The following ABCB9 variants were observed in gnomAD, a reference collection of about 807,000 sequenced individuals.
ABCB9 encodes the protein ABC-type oligopeptide transporter ABCB9.
A neutral mutation model predicts 62.0 loss-of-function variants in ABCB9; 36 were observed. That is an observed-to-expected ratio of 0.58 (90% CI 0.45 to 0.77). The LOEUF (loss-of-function observed/expected upper bound fraction) is 0.77, where lower values mean the gene tolerates loss of function less well. ABCB9 is among the 30% of genes least tolerant of loss of function. The pLI is 0.00. For synonymous variants in ABCB9, 435 were observed against 461.4 expected (o/e 0.94, Z 0.73); for missense variants, 943 against 1,054.7 (o/e 0.89, Z 1.47).
chr12:122,944,639 T>C lies in ABCB9; in HGVS notation c.1252-120A>G. 1.4e-6 allele frequency: 2 copies of C among 1,409,016 alleles called. No individual in the cohort carries two copies. The highest frequency in any genetic ancestry group is 1.3e-5 in the South Asian group (1 of 74,966). 87.3% of individuals were successfully genotyped at this position (1,409,016 alleles called of 1,614,324 possible). A position where few individuals can be genotyped will look rare whatever the true frequency, so the allele number is the denominator to read the frequency against. On this transcript the variant is annotated intron_variant, in intron 6 of 11. Transcript: ENST00000280560. This position sits in a 1 kb window ranked among gnomAD's most constrained non-coding sequence, Gnocchi z 4.9. ...GGGCAGACCCAGCCACAAACTGAAA[T>C]GCCGGCCGTTGGCAGGGGTGTCTTC...
upstream of ABCB9, among the ~76,000 whole-genome samples, chr12:122,970,267 AG>A (rs1354375355): frequency 6.6e-6 from 1 of 151,564 alleles, no homozygotes; most frequent in Non-Finnish European, 1.5e-5. Context: ...TATTTATTTG[AG>A]ATGAACTCTT....
rs1441871397 is a variant in ABCB9, at chr12:122,940,954, C to T, written c.1422G>A (p.Gly474=). 1 of 1,612,410 alleles carries T rather than the reference C, an allele frequency of 6.2e-7. No homozygotes were observed. The highest frequency in any genetic ancestry group is 1.3e-5 in the African/African-American group (1 of 75,022). The change falls in exon 8 of 12, where the codon GGG becomes GGA. Residue 474 remains glycine (G), a synonymous_variant. Transcript: ENST00000280560. This position sits in a 1 kb window ranked among gnomAD's most constrained non-coding sequence, Gnocchi z 4.8. ...TGAACTCGAACACCTTCTCAGCAGC[C>T]CCCACTCCCTGCATCAGGCCACTGT... ...SVYSGLMQGV[G]AAEKVFEFID... is the part of the protein sequence containing the mutation.
At chr12:122,967,480 A>G (rs943185300), upstream of ABCB9, among the ~76,000 whole-genome samples, 2 of 152,168 alleles carry the variant, frequency 1.3e-5, no homozygotes, top group African/African-American at 4.8e-5. Context: ...AACTGCCCAC[A>G]TCCCTGGATC....
rs755096423 is a variant in ABCB9, at chr12:122,931,134, C to T, written c.2041-963G>A. 8.3e-4 allele frequency among the ~76,000 whole-genome samples: 126 copies of T among 152,126 alleles called. 1 individual carries two copies. The highest frequency in any genetic ancestry group is 2.8e-3 in the African/African-American group (117 of 41,496). Reference sequence around the variant, plus strand: ...CTGCTTCCCAGGTTCATGCTATTCTCCTGCCTCAGCCTCCCAAGTAGCTAG... The same window carrying T: ...CTGCTTCCCAGGTTCATGCTATTCTTCTGCCTCAGCCTCCCAAGTAGCTAG... On this transcript the variant is annotated intron_variant, in intron 11 of 11. Coordinates refer to ENST00000280560, the MANE Select transcript of ABCB9 (RefSeq NM_019625.4).
In ABCB9 at chr12:122,959,833, A is replaced by G. The variant is rs2036798575; in HGVS notation, c.403T>C (p.Trp135Arg). 3.7e-6 allele frequency: 6 copies of G among 1,613,162 alleles called. No individual in the cohort carries two copies. In the East Asian group the frequency reaches 1.3e-4, roughly 36 times the overall value. Residue 135 changes from tryptophan (W) to arginine (R), a missense_variant, in exon 2 of 12, where the codon TGG (tryptophan) becomes CGG (arginine). Transcript: ENST00000280560. The surrounding 1 kb of genome is among the most constrained non-coding windows in gnomAD (Gnocchi z 5.4). Reference sequence around the variant, plus strand: ...CCTGGCCGCACGGTGGACAGCAGCCACCAGAGCAGGAAGGATGCGCCGAGT... The same window carrying G: ...CCTGGCCGCACGGTGGACAGCAGCCGCCAGAGCAGGAAGGATGCGCCGAGT... ...ISLGASFLLW[W>R]LLSTVRPGTQ... is the part of the protein sequence containing the mutation.
chr12:122,937,287 A>G (rs2035506261), intron 9 of ABCB9, among the ~76,000 whole-genome samples: 1 of 151,876 alleles, frequency 6.6e-6, no homozygotes, highest in African/African-American at 2.4e-5. Context: ...TGAACCCAGG[A>G]GGAAGAAGTT....
In ABCB9 at chr12:122,930,058, T is replaced by C; in HGVS notation, c.2154A>G (p.Val718=). Residue 718 remains valine (V), a synonymous_variant, in exon 12 of 12, where the codon GTA becomes GTG. Coordinates refer to ENST00000280560, the MANE Select transcript of ABCB9 (RefSeq NM_019625.4). The surrounding 1 kb of genome is among the most constrained non-coding windows in gnomAD (Gnocchi z 4.9). ...HLIVVLDKGR[V]VQQGTHQQLL... is the part of the protein sequence containing the mutation. ...GCTGCTGGTGGGTGCCCTGCTGCAC[T>C]ACGCGGCCCTTGTCCAGCACCACAA... 6.4e-7 allele frequency: 1 copy of C among 1,568,980 alleles called. No homozygotes were observed. Among genetic ancestry groups the C allele is most frequent in the Non-Finnish European group, 8.6e-7 (1 of 1,157,440 alleles).
chr12:122,946,260 A>G (rs373609476), intron 5 of ABCB9, 38 bp from the exon 6 acceptor site: 40 of 1,610,236 alleles, frequency 2.5e-5, no homozygotes, highest in Non-Finnish European at 3.1e-5. Context: ...GAAGACCCCA[A>G]AACAGCCTCA....
In ABCB9 at chr12:122,930,058, T is replaced by G. The variant is rs897039608; in HGVS notation, c.2154A>C (p.Val718=). 3.8e-6 allele frequency: 6 copies of G among 1,568,862 alleles called. No individual in the cohort carries two copies. The highest frequency in any genetic ancestry group is 5.2e-6 in the Non-Finnish European group (6 of 1,157,448). ...HLIVVLDKGR[V]VQQGTHQQLL... ...GCTGCTGGTGGGTGCCCTGCTGCAC[T>G]ACGCGGCCCTTGTCCAGCACCACAA... The change falls in exon 12 of 12, where the codon GTA becomes GTC. Residue 718 remains valine, a synonymous_variant. Transcript: ENST00000280560. The surrounding 1 kb of genome is among the most constrained non-coding windows in gnomAD (Gnocchi z 4.9).
intron 11 of ABCB9, chr12:122,921,147 G>C: frequency 8.6e-7 from 1 of 1,161,498 alleles, no homozygotes; most frequent in East Asian, 2.6e-5. Flanking sequence ...GGGCGTGATG[G>C]GGCACACCTG....
At chr12:122,946,300 G>T in intron 5 of ABCB9, 78 bp from the exon 6 acceptor site, 1 of 1,507,278 alleles carries the variant, frequency 6.6e-7, no homozygotes, top group Admixed American at 1.8e-5. Context: ...GGCCTCTCTG[G>T]GTTTTTCCAC....
At chr12:122,925,447 C>T (rs565692526), downstream of ABCB9, among the ~76,000 whole-genome samples, 1 of 151,162 alleles carries the variant, frequency 6.6e-6, no homozygotes, top group South Asian at 2.1e-4. Flanking sequence ...CAAACTCCCA[C>T]AAAAAAAACA....
Position 122,940,990 on chromosome 12 carries a change from C to G in ABCB9, c.1386G>C (p.Val462=), listed in dbSNP as rs2035733935. 6.2e-7 allele frequency: 1 copy of G among 1,602,132 alleles called. No homozygotes were observed. The highest frequency in any genetic ancestry group is 1.3e-5 in the African/African-American group (1 of 74,726). Residue 462 remains valine, a synonymous_variant, in exon 8 of 12, where the codon GTG becomes GTC. Transcript: ENST00000280560. The surrounding 1 kb of genome is among the most constrained non-coding windows in gnomAD (Gnocchi z 4.8). ...EFVLGDCMES[V]GSVYSGLMQG... ...GCATCAGGCCACTGTAGACGGAGCCCACGGACTGGGGAGAGGAGACACGCG... is the reference window on the plus strand; with the variant it reads ...GCATCAGGCCACTGTAGACGGAGCCGACGGACTGGGGAGAGGAGACACGCG...
intron 2 of ABCB9, among the ~76,000 whole-genome samples, chr12:122,954,392 G>A (rs959662842): frequency 6.6e-6 from 1 of 151,970 alleles, no homozygotes; most frequent in Admixed American, 6.6e-5. Flanking sequence ...ATTTTTAGTA[G>A]AGACGGGGTT....
At chr12:122,939,054 C>T (rs541960639) in intron 9 of ABCB9, among the ~76,000 whole-genome samples, 36 of 151,932 alleles carry the variant, frequency 2.4e-4, no homozygotes, top group Non-Finnish European at 4.6e-4. Context: ...CTCCTGTAAT[C>T]CCAGCTACTA....
chr12:122,940,920 G>A lies in ABCB9; in HGVS notation c.1456C>T (p.Gln486Ter), dbSNP rs1402725008. ...AEKVFEFIDR[Q>*]PTMVHDGSLA... is the part of the protein sequence containing the mutation. ...CTGCCATCGTGCACCATGGTCGGCT[G>A]CCGGTCGATGAACTCGAACACCTTC... is the stretch of plus-strand genomic sequence containing the variant. The change falls in exon 8 of 12, where the codon CAG becomes TAG. Residue 486 changes from glutamine (Q) to a stop codon, truncating the protein, a stop_gained. Coordinates refer to ENST00000280560, the MANE Select transcript of ABCB9 (RefSeq NM_019625.4). LOFTEE classifies it high-confidence loss of function. This position sits in a 1 kb window ranked among gnomAD's most constrained non-coding sequence, Gnocchi z 4.8. The A allele has an allele frequency of 2.5e-6, 4 of 1,612,390 alleles. No individual in the cohort carries two copies. Among genetic ancestry groups the A allele is most frequent in the African/African-American group, 1.3e-5 (1 of 74,878 alleles).
rs1232964444 is a variant in ABCB9 at position 122,944,623 on chromosome 12, C to T, written c.1252-104G>A. The T allele has an allele frequency of 6.7e-7, 1 of 1,488,696 alleles. No individual in the cohort carries two copies. Among genetic ancestry groups the T allele is most frequent in the African/African-American group, 1.4e-5 (1 of 71,800 alleles). The allele number at this position is 1,488,696 out of a possible 1,614,324, so 92.2% of individuals were successfully genotyped here. A position where few individuals can be genotyped will look rare whatever the true frequency, so the allele number is the denominator to read the frequency against. On this transcript the variant is annotated intron_variant, in intron 6 of 11. Coordinates refer to ENST00000280560, the MANE Select transcript of ABCB9 (RefSeq NM_019625.4). The surrounding 1 kb of genome is among the most constrained non-coding windows in gnomAD (Gnocchi z 4.9). The stretch of plus-strand genomic sequence containing the variant: ...CTGCAGGGGGAGGTGAGGGCAGACC[C>T]AGCCACAAACTGAAATGCCGGCCGT...
chr12:122,968,182 C>T (rs954509225), upstream of ABCB9, among the ~76,000 whole-genome samples: 1 of 152,090 alleles, frequency 6.6e-6, no homozygotes, highest in Admixed American at 6.5e-5. Flanking sequence ...ACTATTGGTG[C>T]AAAAACAAAG....
chr12:122,930,018 C>T lies in ABCB9; in HGVS notation c.2194G>A (p.Gly732Ser), dbSNP rs752640304. ...CGCTGCACCAGCTTGGCGTAGAGGCCGCCCTGGGCCAGCAGCTGCTGGTGG... is the reference window on the plus strand; with the variant it reads ...CGCTGCACCAGCTTGGCGTAGAGGCTGCCCTGGGCCAGCAGCTGCTGGTGG... ...GTHQQLLAQG[G>S]LYAKLVQRQM... Residue 732 changes from glycine to serine, a missense_variant, in exon 12 of 12, where the codon GGC becomes AGC. Transcript: ENST00000280560. The surrounding 1 kb of genome is among the most constrained non-coding windows in gnomAD (Gnocchi z 4.9). 189 of 1,573,656 alleles carry T rather than the reference C, an allele frequency of 1.2e-4. No individual in the cohort carries two copies. The highest frequency in any genetic ancestry group is 1.5e-4 in the Non-Finnish European group (170 of 1,161,262).
Sources: gnomAD v4.1 joint callset for allele counts (sites outside exome capture counted in the v4.1 genomes callset) on GRCh38, gnomAD v4.1.1 for gene constraint, Gnocchi (gnomAD v3.1) non-coding constraint, MANE v1.5 for transcripts, NCBI Gene and HGNC (gene_info 2026-07-23, HGNC 2026-07-21) for gene names.